CYP4F11: variants seen among roughly 807,000 people sequenced by gnomAD.
CYP4F11 encodes the protein cytochrome P450 4F11.
Under a neutral mutation model 62.2 loss-of-function variants are expected in CYP4F11, and 79 were observed. That is an observed-to-expected ratio of 1.27 (90% CI 1.06 to 1.53). The LOEUF (loss-of-function observed/expected upper bound fraction) is 1.53. CYP4F11 is among the 40% of genes most tolerant of loss of function. CYP4F11 has a pLI of 0.00. For missense variants in CYP4F11, 777 were observed against 680.5 expected (o/e 1.14, Z -1.58); for synonymous variants, 290 against 263.7 (o/e 1.10, Z -0.97).
intron 2 of CYP4F11, among the ~76,000 whole-genome samples, 171 bp downstream of exon 2, chr19:15,929,286 C>T (rs1331570198): frequency 6.6e-6 from 1 of 152,074 alleles, no homozygotes; most frequent in Non-Finnish European, 1.5e-5. Context: ...AGGGAGGAGA[C>T]GCTGACATGG....
chr19:15,934,001 T>A (rs62104258), intron 1 of CYP4F11, among the ~76,000 whole-genome samples: 5 of 40,844 alleles, frequency 1.2e-4, no homozygotes, highest in Admixed American at 2.6e-4. Context: ...AATGAGTGAG[T>A]GGGCAGAGGA....
At position 15,914,855 on chromosome 19, in the gene CYP4F11, T is replaced by G; in HGVS notation, c.1156A>C (p.Lys386Gln). The G allele has an allele frequency of 6.2e-7, 1 of 1,614,140 alleles. No homozygotes were observed. The change falls in exon 9 of 12, where the codon AAG becomes CAG. Residue 386 changes from lysine to glutamine, a missense_variant. By Grantham distance (53) the Lys-to-Gln change is moderately conservative (BLOSUM62 1). Transcript: ENST00000402119. The stretch of plus-strand genomic sequence containing the variant: ...GGGGGATGCAACCGCAGGCTCTCCT[T>G]AATGCACATGGTCAGGAAGGGCAGC... ...AQLPFLTMCI[K>Q]ESLRLHPPVP...
intron 1 of CYP4F11, among the ~76,000 whole-genome samples, chr19:15,933,865 C>CAGAGGAATGAGTGAGCGAGA (rs1568258833): frequency 8.8e-5 from 1 of 11,304 alleles, no homozygotes; most frequent in Non-Finnish European, 1.9e-4. Context: ...AGTGAGTGAG[C>CAGAGGAATGAGTGAGCGAGA]AGAGGAATGA....
Position 15,914,831 on chromosome 19 carries a change from G to A in CYP4F11, c.1180C>T (p.Pro394Ser), listed in dbSNP as rs1435254011. 6.2e-7 allele frequency: 1 copy of A among 1,614,132 alleles called. No homozygotes were observed. Residue 394 changes from proline to serine, a missense_variant, in exon 9 of 12, where the codon CCA becomes TCA. By Grantham distance (74) the Pro-to-Ser change is moderately conservative. Coordinates refer to ENST00000402119, the MANE Select transcript of CYP4F11 (RefSeq NM_021187.4). ...CAACATCGGGAGATGACCGGGACTG[G>A]GGGATGCAACCGCAGGCTCTCCTTA... is the stretch of plus-strand genomic sequence containing the variant. ...CIKESLRLHP[P>S]VPVISRCCTQ...
chr19:15,917,661 C>A (rs532149288), intron 8 of CYP4F11, among the ~76,000 whole-genome samples: 1 of 151,880 alleles, frequency 6.6e-6, no homozygotes, highest in East Asian at 1.9e-4. Context: ...AAAGTGTCCC[C>A]AAGAAGTCAA....
Position 15,934,220 on chromosome 19 carries a change from G to A in CYP4F11, c.189C>T (p.His63=), listed in dbSNP as rs756133251. The stretch of plus-strand genomic sequence containing the variant: ...CTGCTGACAAACTCACCAGGCCCTG[G>A]TGTCCCCAAAACCAGTTCTGTTTCG... ...QPPKQNWFWG[H]QGLVTPTEEG... is the part of the protein sequence containing the mutation. Residue 63 remains histidine, a synonymous_variant, in exon 1 of 12, where the codon CAC becomes CAT. Transcript: ENST00000402119. The A allele has an allele frequency of 1.1e-5, 18 of 1,613,322 alleles. No homozygotes were observed. The South Asian group carries it at 1.9e-4, about 17-fold the overall frequency.
chr19:15,930,099 G>A (rs2089699942), intron 1 of CYP4F11, among the ~76,000 whole-genome samples: 1 of 104,804 alleles, frequency 9.5e-6, no homozygotes, highest in African/African-American at 3.2e-5. Context: ...TGAGATATAA[G>A]CGGGAAGATA....
rs915370574 is a variant in CYP4F11, at chr19:15,913,714, G to A, written c.*18C>T. On this transcript the variant is annotated 3_prime_UTR_variant, in exon 12 of 12. Transcript: ENST00000402119. Reference sequence around the variant, plus strand: ...TTGTTTCTGGGACTCTACAGAGGTGGGTGGGTGGGTAGGACAGTCACTGTG... The same window carrying A: ...TTGTTTCTGGGACTCTACAGAGGTGAGTGGGTGGGTAGGACAGTCACTGTG... The A allele has an allele frequency of 1.2e-6, 2 of 1,613,834 alleles. No individual in the cohort carries two copies. Among genetic ancestry groups the A allele is most frequent in the Non-Finnish European group, 1.7e-6 (2 of 1,179,826 alleles).
rs1491175733 is a variant in CYP4F11 at position 15,931,531 on chromosome 19, AAT to A, written c.199-1932_199-1931del. On this transcript the variant is annotated intron_variant, in intron 1 of 11. Coordinates refer to ENST00000402119, the MANE Select transcript of CYP4F11 (RefSeq NM_021187.4). The stretch of plus-strand genomic sequence containing the variant: ...AAGACTTGGGATGGCACATCAGAGG[AAT>A]GAGTGAGCGGGGAGAGGAATGAGTG... 5.4e-4 allele frequency among the ~76,000 whole-genome samples: 56 copies of A among 104,484 alleles called. 4 individuals carry two copies. The highest frequency in any genetic ancestry group is 1.2e-3 in the Non-Finnish European group (54 of 46,298). The allele number at this position is 104,484 out of a possible 152,430, so 68.5% of individuals were successfully genotyped here. A position where few individuals can be genotyped will look rare whatever the true frequency, so the allele number is the denominator to read the frequency against.
chr19:15,913,858 C>G lies in CYP4F11; in HGVS notation c.1449G>C (p.Ala483=), dbSNP rs776641299. ...FAMAEMKVVL[A]LTLLHFRILP... ...GGATGCGGAAGTGCAGCAGGGTGAGCGCCAGGACCACCTTCATCTCAGCCA... is the reference window on the plus strand; with the variant it reads ...GGATGCGGAAGTGCAGCAGGGTGAGGGCCAGGACCACCTTCATCTCAGCCA... The change falls in exon 12 of 12, where the codon GCG becomes GCC. Residue 483 remains alanine (A), a synonymous_variant. Transcript: ENST00000402119. 1.9e-6 allele frequency: 3 copies of G among 1,614,084 alleles called. No homozygotes were observed. The highest frequency in any genetic ancestry group is 1.7e-4 in the Middle Eastern group (1 of 6,058).
chr19:15,916,085 G>A (rs2089581657), intron 8 of CYP4F11, among the ~76,000 whole-genome samples: 1 of 151,904 alleles, frequency 6.6e-6, no homozygotes, highest in Admixed American at 6.6e-5. Context: ...TGATATCTAG[G>A]CAAATATTTT....
chr19:15,934,288 A>T lies in CYP4F11; in HGVS notation c.121T>A (p.Phe41Ile), dbSNP rs774284541. ...TGGAGGCGGCGGCAGTTGTCATAGAAGGTGTAGGTCCAGGCCAGGACGCGG... is the reference window on the plus strand; with the variant it reads ...TGGAGGCGGCGGCAGTTGTCATAGATGGTGTAGGTCCAGGCCAGGACGCGG... ...LARVLAWTYT[F>I]YDNCRRLQCF... Residue 41 changes from phenylalanine (F) to isoleucine (I), a missense_variant, in exon 1 of 12, where the codon TTC becomes ATC. Coordinates refer to ENST00000402119, the MANE Select transcript of CYP4F11 (RefSeq NM_021187.4). 3 of 1,613,784 alleles carry T rather than the reference A, an allele frequency of 1.9e-6. No individual in the cohort carries two copies. Among genetic ancestry groups the T allele is most frequent in the Non-Finnish European group, 2.5e-6 (3 of 1,179,838 alleles).
chr19:15,924,322 G>C (rs1245991506), intron 5 of CYP4F11, among the ~76,000 whole-genome samples: 2 of 152,086 alleles, frequency 1.3e-5, no homozygotes, highest in Non-Finnish European at 2.9e-5. Flanking sequence ...TATCCAGCCT[G>C]CACTCTTTTC....
intron 2 of CYP4F11, 57 bp downstream of exon 2, chr19:15,929,400 G>A: frequency 6.2e-7 from 1 of 1,610,366 alleles, no homozygotes; most frequent in South Asian, 1.1e-5. Flanking sequence ...GGAGGGGAGA[G>A]GCTAGAAGGC....
rs200851381 is a variant in CYP4F11 at position 15,923,815 on chromosome 19, G to T, written c.915C>A (p.Ser305Arg). 1 of 1,611,400 alleles carries T rather than the reference G, an allele frequency of 6.2e-7. No homozygotes were observed. Among genetic ancestry groups the T allele is most frequent in the African/African-American group, 1.3e-5 (1 of 74,994 alleles). The change falls in exon 6 of 12, where the codon AGC (serine) becomes AGA (arginine). Residue 305 changes from serine to arginine, a missense_variant. Physicochemically the swap from Ser to Arg is moderately radical, Grantham distance 110. Coordinates refer to ENST00000402119, the MANE Select transcript of CYP4F11 (RefSeq NM_021187.4). ...TTCACATCCCAGAGAAGCCTACCTT[G>T]CTCAGCAGAAGCACATCAATGAAGT... The part of the protein sequence containing the change: ...TLDFIDVLLL[S>R]KDEDGKELSD...
At chr19:15,918,031 C>T (rs62104908) in intron 8 of CYP4F11, among the ~76,000 whole-genome samples, 9,846 of 152,162 alleles carry the variant, frequency 0.065, 1,098 homozygotes, top group East Asian at 0.51. Context: ...GACAAGGAAT[C>T]AACCCAAATG....
At chr19:15,918,089 T>G (rs1182188672) in intron 8 of CYP4F11, among the ~76,000 whole-genome samples, 1 of 152,190 alleles carries the variant, frequency 6.6e-6, no homozygotes, top group South Asian at 2.1e-4. Flanking sequence ...ATATACACCA[T>G]GGAATACTAT....
intron 8 of CYP4F11, among the ~76,000 whole-genome samples, chr19:15,921,033 TCTCTCTCTCTCTCTCTTTCTG>T (rs2089622593): frequency 7.7e-6 from 1 of 129,062 alleles, no homozygotes. Flanking sequence ...TCACTCTTGG[TCTCTCTCTCTCTCTCTTTCTG>T]TCTCTCTCTC....
rs1263407086 is a variant in CYP4F11, at chr19:15,927,423, TACTC to T, written c.397+3_397+6del. The T allele has an allele frequency of 3.7e-6, 6 of 1,613,920 alleles. No individual in the cohort carries two copies. The East Asian group carries it at 1.3e-4, about 36-fold the overall frequency. On this transcript the variant is annotated splice_donor_5th_base_variant and intron_variant, in intron 3 of 11. Transcript: ENST00000402119. ...TATCCCCAACCCCATTCACCTCAAT[TACTC>T]ACCCAGCCAGGGCTTCAGGAAGCCA...
Sources: gnomAD v4.1 joint callset for allele counts (sites outside exome capture counted in the v4.1 genomes callset) on GRCh38, gnomAD v4.1.1 for gene constraint, MANE v1.5 for transcripts, NCBI Gene and HGNC (gene_info 2026-07-23, HGNC 2026-07-21) for gene names.